Variants in POLN observed in about 807,000 individuals in gnomAD.
POLN encodes the protein DNA polymerase nu.
In POLN, 108 loss-of-function variants were observed where a neutral mutation model predicts 113.5. The observed-to-expected ratio is 0.95, with a 90% confidence interval of 0.81 to 1.12. The LOEUF is 1.12. Among genes scored for constraint, POLN ranks in the 50% most tolerant of loss-of-function variants. The pLI, the probability that POLN is intolerant of heterozygous loss-of-function variation, is 0.00. For synonymous variants in POLN, 386 were observed against 391.5 expected (o/e 0.99, Z 0.17); for missense variants, 1,097 against 1,077.1 (o/e 1.02, Z -0.26).
chr4:2,109,090 T>C (rs888560971), intron 19 of POLN, among the ~76,000 whole-genome samples: 4 of 152,126 alleles, frequency 2.6e-5, no homozygotes, highest in African/African-American at 9.7e-5. Context: ...TATAGAAATT[T>C]TGGAAGGAAT....
chr4:2,128,184 T>C lies in POLN; in HGVS notation c.1911A>G (p.Gly637=), dbSNP rs141827866. 6.2e-7 allele frequency: 1 copy of C among 1,612,594 alleles called. No individual in the cohort carries two copies. The highest frequency in any genetic ancestry group is 1.3e-5 in the African/African-American group (1 of 75,026). The change falls in exon 19 of 26, where the codon GGA becomes GGG. Residue 637 remains glycine (G), a synonymous_variant. Coordinates refer to ENST00000511885, the MANE Select transcript of POLN (RefSeq NM_181808.4). ...GGAATAACTTCAGAAGTTCCGGATC[T>C]CCAGATAAATGTGTAAGAATGCGCA... ...IELRILTHLS[G]DPELLKLFQE... is the part of the protein sequence containing the mutation.
At chr4:2,212,976 G>C in intron 4 of POLN, 71 bp downstream of exon 4, 1 of 1,072,524 alleles carries the variant, frequency 9.3e-7, no homozygotes, top group South Asian at 1.5e-5. Context: ...GCACACAGTA[G>C]AACACTTAAT....
At chr4:2,079,029 A>G in intron 23 of POLN, 1 of 638,706 alleles carries the variant, frequency 1.6e-6, no homozygotes. Flanking sequence ...TCCCAGGCTC[A>G]GGTGATCCTC....
intron 16 of POLN, among the ~76,000 whole-genome samples, chr4:2,156,024 G>A (rs931716342): frequency 4.6e-5 from 7 of 151,952 alleles, no homozygotes; most frequent in African/African-American, 1.5e-4. Context: ...TAGTAGAGAC[G>A]GGGTTTCACC....
At chr4:2,175,860 C>T (rs1732982035) in intron 9 of POLN, among the ~76,000 whole-genome samples, 1 of 152,114 alleles carries the variant, frequency 6.6e-6, no homozygotes, top group African/African-American at 2.4e-5. Context: ...TTCCCTTTGC[C>T]CTCCCTGGCC....
At chr4:2,124,317 C>T (rs1731522687) in intron 19 of POLN, among the ~76,000 whole-genome samples, 1 of 151,502 alleles carries the variant, frequency 6.6e-6, no homozygotes, top group Non-Finnish European at 1.5e-5. Flanking sequence ...TCTGTCGAGG[C>T]GGAGTGCAGT....
intron 21 of POLN, among the ~76,000 whole-genome samples, chr4:2,083,944 T>C (rs997321738): frequency 5.9e-5 from 9 of 152,244 alleles, no homozygotes; most frequent in Non-Finnish European, 1.2e-4. Context: ...TCCCAGGACC[T>C]TGGGACGGCC....
At chr4:2,120,915 AACTT>A (rs1430289144) in intron 19 of POLN, among the ~76,000 whole-genome samples, 8 of 152,324 alleles carry the variant, frequency 5.3e-5, no homozygotes, top group Admixed American at 1.3e-4. Flanking sequence ...AACCTTGGTG[AACTT>A]ACTTATTAGT....
In POLN at chr4:2,175,101, G is replaced by A. The variant is rs148976283; in HGVS notation, c.1249-350C>T. Among the ~76,000 whole-genome samples the A allele has an allele frequency of 2.4e-4, 36 of 152,240 alleles. 1 individual carries two copies. Among genetic ancestry groups the A allele is most frequent in the African/African-American group, 8.7e-4 (36 of 41,542 alleles). On this transcript the variant is annotated intron_variant, in intron 9 of 25. Transcript: ENST00000511885. ...GGCCTCCCGAAGTGCTGGGATTACAGGCATGAGCCACCGCACCCAACCAAA... is the reference window on the plus strand; with the variant it reads ...GGCCTCCCGAAGTGCTGGGATTACAAGCATGAGCCACCGCACCCAACCAAA...
intron 7 of POLN, among the ~76,000 whole-genome samples, chr4:2,180,000 G>A (rs1357509233): frequency 6.6e-6 from 1 of 152,184 alleles, no homozygotes; most frequent in Non-Finnish European, 1.5e-5. Flanking sequence ...GGTAGTGTGT[G>A]CAAGGCAAAG....
intron 19 of POLN, among the ~76,000 whole-genome samples, chr4:2,104,609 T>C (rs2108707007): frequency 6.6e-6 from 1 of 152,270 alleles, no homozygotes. Flanking sequence ...CTGAAGCCCT[T>C]AACAAATAAA....
intron 3 of POLN, among the ~76,000 whole-genome samples, chr4:2,226,866 T>C (rs182345017): frequency 4.6e-5 from 7 of 152,362 alleles, no homozygotes; most frequent in Admixed American, 2.6e-4. Flanking sequence ...GAATTTGACA[T>C]AACAGCTCAG....
intron 19 of POLN, among the ~76,000 whole-genome samples, chr4:2,114,624 G>A (rs186145092): frequency 6.6e-6 from 1 of 152,096 alleles, no homozygotes; most frequent in African/African-American, 2.4e-5. Flanking sequence ...TTGTTCCTTT[G>A]TATACACATG....
chr4:2,237,829 ATAGT>A (rs1339243034), intron 2 of POLN, among the ~76,000 whole-genome samples: 1 of 152,210 alleles, frequency 6.6e-6, no homozygotes, highest in Non-Finnish European at 1.5e-5. Flanking sequence ...AATTTTTTAA[ATAGT>A]TATTTTATCA....
chr4:2,182,468 C>T (rs938960211), intron 7 of POLN, among the ~76,000 whole-genome samples: 4 of 152,160 alleles, frequency 2.6e-5, no homozygotes, highest in African/African-American at 9.7e-5. Flanking sequence ...CAGCCACCAC[C>T]AGAAGCTGGG....
rs749514144 is a variant in POLN at position 2,198,720 on chromosome 4, G to A, written c.715-3C>T. The A allele has an allele frequency of 6.3e-7, 1 of 1,594,048 alleles. No individual in the cohort carries two copies. The highest frequency in any genetic ancestry group is 1.8e-5 in the Admixed American group (1 of 56,264). On this transcript the variant is annotated splice_region_variant and splice_polypyrimidine_tract_variant and intron_variant, in intron 5 of 25. Transcript: ENST00000511885. ...CCTCTAACAGAAGAAACGGGGGTCT[G>A]TGGAAACACAACAAAATAAATTAAA...
intron 20 of POLN, chr4:2,090,627 G>T: frequency 2.5e-6 from 1 of 403,172 alleles, no homozygotes; most frequent in South Asian, 2.9e-5. Flanking sequence ...TGACGGTGGA[G>T]AGGGCGTTTG....
intron 20 of POLN, among the ~76,000 whole-genome samples, 162 bp downstream of exon 20, chr4:2,095,689 G>A (rs1389088383): frequency 6.6e-6 from 1 of 152,142 alleles, no homozygotes; most frequent in East Asian, 1.9e-4. Flanking sequence ...TCAAGGCATG[G>A]GGTGGTCTGG....
chr4:2,115,908 T>A (rs1731306396), intron 19 of POLN, among the ~76,000 whole-genome samples: 1 of 152,060 alleles, frequency 6.6e-6, no homozygotes, highest in Non-Finnish European at 1.5e-5. Context: ...TTTCTTGGAG[T>A]TTTATAGCTT....
Sources: allele counts gnomAD v4.1 joint callset (sites outside exome capture counted in the v4.1 genomes callset), GRCh38; gene constraint gnomAD v4.1.1; transcripts MANE v1.5; gene names NCBI Gene and HGNC (gene_info 2026-07-23, HGNC 2026-07-21).